The following PLEKHA2 variants were observed in gnomAD, a reference collection of about 807,000 sequenced individuals.
PLEKHA2 encodes the protein pleckstrin homology domain containing A2.
A neutral mutation model predicts 53.2 loss-of-function variants in PLEKHA2; 28 were observed. That is an observed-to-expected ratio of 0.53 (90% CI 0.39 to 0.72). PLEKHA2 has a LOEUF of 0.72. PLEKHA2 is among the 30% of genes least tolerant of loss of function. The pLI, the probability that PLEKHA2 is intolerant of heterozygous loss-of-function variation, is 0.00. For synonymous variants in PLEKHA2, 193 were observed against 196.4 expected (o/e 0.98, Z 0.14); for missense variants, 426 against 537.9 (o/e 0.79, Z 2.06).
rs1835245813 is a variant in PLEKHA2 at position 38,971,388 on chromosome 8, A to C, written c.*1605A>C. Reference sequence around the variant, plus strand: ...TTTGGGAGTTATGTATTTTTGAGTGATCGAGGTTATGACATACTTGGAGCG... The same window carrying C: ...TTTGGGAGTTATGTATTTTTGAGTGCTCGAGGTTATGACATACTTGGAGCG... On this transcript the variant is annotated 3_prime_UTR_variant, in exon 12 of 12. Coordinates refer to ENST00000617275, the MANE Select transcript of PLEKHA2 (RefSeq NM_021623.2). 6.5e-6 allele frequency: 1 copy of C among 152,940 alleles called. No homozygotes were observed. Among genetic ancestry groups the C allele is most frequent in the Admixed American group, 6.6e-5 (1 of 15,266 alleles). 9.5% of individuals were successfully genotyped at this position (152,940 alleles called of 1,614,324 possible). A position where few individuals can be genotyped will look rare whatever the true frequency, so the allele number is the denominator to read the frequency against.
intron 3 of PLEKHA2, among the ~76,000 whole-genome samples, chr8:38,937,535 A>T (rs1834519547): frequency 6.6e-6 from 1 of 152,068 alleles, no homozygotes; most frequent in Non-Finnish European, 1.5e-5. Flanking sequence ...GAATGAATTC[A>T]GTCTCCTGCT....
intron 8 of PLEKHA2, 86 bp from the exon 9 acceptor site, chr8:38,953,211 C>T: frequency 2.8e-6 from 3 of 1,071,198 alleles, no homozygotes; most frequent in East Asian, 2.4e-5. Context: ...CCAACCATCT[C>T]TGAGAAAGGG....
chr8:38,946,276 T>C, intron 5 of PLEKHA2, 55 bp downstream of exon 5: 5 of 1,458,496 alleles, frequency 3.4e-6, no homozygotes, highest in Non-Finnish European at 4.7e-6. Context: ...CTTCCCAGGC[T>C]ATGGCCTTGT....
chr8:38,957,478 T>C (rs1834963606), intron 10 of PLEKHA2, 92 bp downstream of exon 10: 12 of 1,159,948 alleles, frequency 1.0e-5, no homozygotes, highest in Non-Finnish European at 1.4e-5. Context: ...TCTCTTTTCA[T>C]TTGCTTGAAG....
chr8:38,904,778 AG>A (rs1311362342), intron 1 of PLEKHA2, among the ~76,000 whole-genome samples: 1 of 152,296 alleles, frequency 6.6e-6, no homozygotes, highest in East Asian at 1.9e-4. Context: ...CTGGAGTTAG[AG>A]GGATGGAGGT....
intron 6 of PLEKHA2, among the ~76,000 whole-genome samples, chr8:38,951,686 G>T (rs1471796600): frequency 6.6e-6 from 1 of 151,276 alleles, no homozygotes; most frequent in Admixed American, 6.6e-5. Context: ...ATTTTTTGTT[G>T]GAGATGGGGT....
At chr8:38,906,169 T>A (rs1365244356) in intron 1 of PLEKHA2, among the ~76,000 whole-genome samples, 1 of 152,208 alleles carries the variant, frequency 6.6e-6, no homozygotes, top group Non-Finnish European at 1.5e-5. Context: ...AGATCTCAGC[T>A]TTTATAGGCT....
intron 1 of PLEKHA2, among the ~76,000 whole-genome samples, chr8:38,916,037 G>A (rs1395394699): frequency 6.6e-6 from 1 of 152,168 alleles, no homozygotes; most frequent in African/African-American, 2.4e-5. Context: ...GTGCAATGGT[G>A]TGATCTCGTC....
chr8:38,950,942 C>T lies in PLEKHA2; in HGVS notation c.438C>T (p.Tyr146=), dbSNP rs781184904. Residue 146 remains tyrosine, a synonymous_variant, in exon 6 of 12, where the codon TAC becomes TAT. Coordinates refer to ENST00000617275, the MANE Select transcript of PLEKHA2 (RefSeq NM_021623.2). Reference sequence around the variant, plus strand: ...TGGAGAAGAAGCCACAGGTGGCCTACAAGACGGAGATCATTGGAGGGGTGG... The same window carrying T: ...TGGAGAAGAAGCCACAGGTGGCCTATAAGACGGAGATCATTGGAGGGGTGG... ...PALEKKPQVA[Y]KTEIIGGVVV... 3.7e-6 allele frequency: 6 copies of T among 1,613,854 alleles called. No homozygotes were observed. Among genetic ancestry groups the T allele is most frequent in the African/African-American group, 1.3e-5 (1 of 74,932 alleles).
At chr8:38,935,873 T>C in intron 2 of PLEKHA2, 121 bp from the exon 3 acceptor site, 1 of 834,706 alleles carries the variant, frequency 1.2e-6, no homozygotes. Flanking sequence ...AGTTAAAGAA[T>C]GGTTGAGTAA....
chr8:38,913,145 C>T (rs1255711003), intron 1 of PLEKHA2, among the ~76,000 whole-genome samples: 1 of 152,186 alleles, frequency 6.6e-6, no homozygotes, highest in Non-Finnish European at 1.5e-5. Context: ...TGGTGGATCA[C>T]CTGAGGTCAG....
At chr8:38,956,594 G>A (rs1834944715) in intron 9 of PLEKHA2, among the ~76,000 whole-genome samples, 1 of 152,094 alleles carries the variant, frequency 6.6e-6, no homozygotes, top group Non-Finnish European at 1.5e-5. Flanking sequence ...GAGCTCAGGA[G>A]TTCAAGACCA....
intron 1 of PLEKHA2, among the ~76,000 whole-genome samples, chr8:38,910,629 G>A (rs1833941336): frequency 6.6e-6 from 1 of 152,106 alleles, no homozygotes; most frequent in African/African-American, 2.4e-5. Flanking sequence ...AAACAATTTT[G>A]TAAAAGGACT....
chr8:38,918,472 C>G (rs1405498233), intron 2 of PLEKHA2, among the ~76,000 whole-genome samples: 1 of 15,736 alleles, frequency 6.4e-5, no homozygotes, highest in African/African-American at 2.3e-4. Context: ...CACATGCACA[C>G]ACGACACACA....
chr8:38,958,928 A>C (rs566509565), intron 10 of PLEKHA2, among the ~76,000 whole-genome samples: 1 of 152,160 alleles, frequency 6.6e-6, no homozygotes, highest in East Asian at 1.9e-4. Context: ...GAGATGGAGC[A>C]CAGGGGAGTT....
chr8:38,939,758 G>T (rs973409415), intron 3 of PLEKHA2, among the ~76,000 whole-genome samples: 4 of 152,156 alleles, frequency 2.6e-5, no homozygotes, highest in Non-Finnish European at 5.9e-5. Context: ...GCCAGAAAGG[G>T]TCTTGGAGTG....
At chr8:38,929,642 G>A (rs781769051) in intron 2 of PLEKHA2, among the ~76,000 whole-genome samples, 2 of 152,210 alleles carry the variant, frequency 1.3e-5, no homozygotes, top group Non-Finnish European at 2.9e-5. Flanking sequence ...ACATGTGAAG[G>A]TGCCTAGCAG....
At chr8:38,921,320 A>G (rs755816088) in intron 2 of PLEKHA2, among the ~76,000 whole-genome samples, 7 of 152,190 alleles carry the variant, frequency 4.6e-5, no homozygotes, top group Non-Finnish European at 7.3e-5. Context: ...GCTTCACGCC[A>G]TGCTTCCCCA....
chr8:38,911,530 C>G (rs1214416027), intron 1 of PLEKHA2, among the ~76,000 whole-genome samples: 2 of 152,144 alleles, frequency 1.3e-5, no homozygotes, highest in East Asian at 3.9e-4. Flanking sequence ...AGCCACCGTG[C>G]CAGGCCCCAG....
Sources: allele counts gnomAD v4.1 joint callset (sites outside exome capture counted in the v4.1 genomes callset), GRCh38; gene constraint gnomAD v4.1.1; transcripts MANE v1.5; gene names NCBI Gene and HGNC (gene_info 2026-07-23, HGNC 2026-07-21).